DCDC2C: variants seen among roughly 807,000 people sequenced by gnomAD.
The protein encoded by DCDC2C is doublecortin domain-containing protein 2C.
A neutral mutation model predicts 45.0 loss-of-function variants in DCDC2C; 44 were observed. That is an observed-to-expected ratio of 0.98 (90% CI 0.77 to 1.26). The LOEUF is 1.26. DCDC2C is among the 50% of genes most tolerant of loss of function. The probability of loss-of-function intolerance (pLI) is 0.00; values close to 1 mark genes in which losing one functional copy is unlikely to be tolerated. For missense variants in DCDC2C, 447 were observed against 468.9 expected, an observed-to-expected ratio of 0.95 and a Z score of 0.43; for synonymous variants, 187 against 178.8, an observed-to-expected ratio of 1.05 and a Z score of -0.37.
chr2:3,807,020 C>A (rs1671267433), intron 10 of DCDC2C, among the ~76,000 whole-genome samples: 1 of 152,110 alleles, frequency 6.6e-6, no homozygotes, highest in African/African-American at 2.4e-5. Flanking sequence ...TTGCCCCAGC[C>A]AGCACCTTGG....
chr2:3,807,368 G>A (rs1042340589), intron 10 of DCDC2C, among the ~76,000 whole-genome samples: 3 of 152,160 alleles, frequency 2.0e-5, no homozygotes, highest in African/African-American at 7.2e-5. Flanking sequence ...GGCTGGAGGT[G>A]TATAGCTCTG....
intron 10 of DCDC2C, among the ~76,000 whole-genome samples, chr2:3,797,991 A>C (rs1407236343): frequency 6.6e-6 from 1 of 151,794 alleles, no homozygotes; most frequent in East Asian, 1.9e-4. Flanking sequence ...CCCATTATTA[A>C]TGTATGGGAG....
chr2:3,779,458 A>G (rs1312419205), intron 9 of DCDC2C, among the ~76,000 whole-genome samples: 1 of 149,088 alleles, frequency 6.7e-6, no homozygotes, highest in Non-Finnish European at 1.5e-5. Context: ...GTGGTCCTCT[A>G]TGAGATTATG....
intron 10 of DCDC2C, among the ~76,000 whole-genome samples, chr2:3,822,636 T>G (rs1221161799): frequency 2.0e-5 from 3 of 152,118 alleles, no homozygotes; most frequent in Admixed American, 6.5e-5. Flanking sequence ...CACTCTAATC[T>G]TTATTATTTT....
chr2:3,711,294 T>C (rs953131335), intron 2 of DCDC2C, among the ~76,000 whole-genome samples: 2 of 152,188 alleles, frequency 1.3e-5, no homozygotes, highest in African/African-American at 2.4e-5. Flanking sequence ...TTACTGGGTA[T>C]ATACCCAAGG....
chr2:3,782,546 T>G (rs1460151569), intron 9 of DCDC2C, among the ~76,000 whole-genome samples: 1 of 151,724 alleles, frequency 6.6e-6, no homozygotes, highest in Non-Finnish European at 1.5e-5. Flanking sequence ...TGGTGCTATC[T>G]CGGCTCACTG....
At chr2:3,788,015 T>G (rs555123206) in intron 10 of DCDC2C, among the ~76,000 whole-genome samples, 1 of 152,362 alleles carries the variant, frequency 6.6e-6, no homozygotes, top group African/African-American at 2.4e-5. Flanking sequence ...ACAGGCATCA[T>G]GTACTTACAA....
At chr2:3,826,641 T>A (rs1671823577) in intron 10 of DCDC2C, among the ~76,000 whole-genome samples, 1 of 152,130 alleles carries the variant, frequency 6.6e-6, no homozygotes, top group Admixed American at 6.5e-5. Context: ...AGGCTGCATC[T>A]TCTGAGGTTC....
At chr2:3,733,581 G>A (rs889318365) in intron 3 of DCDC2C, among the ~76,000 whole-genome samples, 4 of 152,170 alleles carry the variant, frequency 2.6e-5, no homozygotes, top group African/African-American at 7.2e-5. Flanking sequence ...TGGGAAGTCC[G>A]AGATTGAGGT....
chr2:3,807,081 C>CT (rs1484780288), intron 10 of DCDC2C, among the ~76,000 whole-genome samples: 3 of 103,604 alleles, frequency 2.9e-5, no homozygotes, highest in Non-Finnish European at 4.0e-5. Context: ...CTTCAGAAAG[C>CT]TATTTTTTTT....
chr2:3,723,197 G>A lies in DCDC2C; in HGVS notation c.340-3806G>A, dbSNP rs533165958. Among the ~76,000 whole-genome samples the A allele has an allele frequency of 2.2e-3, 328 of 152,270 alleles. 1 individual carries two copies. The highest frequency in any genetic ancestry group is 0.011 in the South Asian group (54 of 4,820). ...CTGTTAGGGGTCACTCATCGTTCAGGCACTGAAGGTACTTGGTTGAACACG... is the reference window on the plus strand; with the variant it reads ...CTGTTAGGGGTCACTCATCGTTCAGACACTGAAGGTACTTGGTTGAACACG... On this transcript the variant is annotated intron_variant, in intron 2 of 10. Coordinates refer to ENST00000399143, the MANE Select transcript of DCDC2C (RefSeq NM_001287444.2).
intron 1 of DCDC2C, among the ~76,000 whole-genome samples, chr2:3,707,331 C>G (rs929753380): frequency 6.6e-6 from 1 of 151,896 alleles, no homozygotes; most frequent in Non-Finnish European, 1.5e-5. Flanking sequence ...AATCAGATGT[C>G]TCATTTGGGA....
intron 10 of DCDC2C, among the ~76,000 whole-genome samples, chr2:3,807,331 G>T (rs942825396): frequency 6.6e-6 from 1 of 152,150 alleles, no homozygotes; most frequent in East Asian, 1.9e-4. Flanking sequence ...GCTGCAGCAG[G>T]GGTGGGCGAA....
At chr2:3,822,490 AT>A (rs779051207) in intron 10 of DCDC2C, among the ~76,000 whole-genome samples, 8 of 151,778 alleles carry the variant, frequency 5.3e-5, no homozygotes, top group Non-Finnish European at 1.2e-4. Flanking sequence ...GATTTTATCA[AT>A]TTTAGTGTTC....
intron 10 of DCDC2C, among the ~76,000 whole-genome samples, chr2:3,841,731 C>T (rs572780519): frequency 6.0e-5 from 9 of 150,812 alleles, no homozygotes; most frequent in South Asian, 2.1e-4. Context: ...CGTGAGCGGC[C>T]GGGCAGGTCT....
intron 2 of DCDC2C, among the ~76,000 whole-genome samples, chr2:3,726,616 A>G (rs1004306878): frequency 6.6e-6 from 1 of 152,206 alleles, no homozygotes; most frequent in African/African-American, 2.4e-5. Context: ...TTGGGGCCCC[A>G]TAACTTGGCC....
chr2:3,792,060 A>G (rs1670826808), intron 10 of DCDC2C, among the ~76,000 whole-genome samples: 1 of 152,222 alleles, frequency 6.6e-6, no homozygotes, highest in South Asian at 2.1e-4. Context: ...GCAGATAGAC[A>G]AAATTCTTAC....
chr2:3,835,936 G>T (rs753974728), intron 10 of DCDC2C, among the ~76,000 whole-genome samples: 1 of 152,066 alleles, frequency 6.6e-6, no homozygotes, highest in South Asian at 2.1e-4. Flanking sequence ...TAGAGACAGG[G>T]TCTTGCTATG....
chr2:3,722,635 C>T (rs1380469039), intron 2 of DCDC2C, among the ~76,000 whole-genome samples: 1 of 152,150 alleles, frequency 6.6e-6, no homozygotes, highest in Non-Finnish European at 1.5e-5. Context: ...TTGGCTCTGA[C>T]AAGTGTGAAT....
Sources: allele counts gnomAD v4.1 joint callset (sites outside exome capture counted in the v4.1 genomes callset), GRCh38; gene constraint gnomAD v4.1.1; transcripts MANE v1.5; gene names NCBI Gene and HGNC (gene_info 2026-07-23, HGNC 2026-07-21).